Variants in IBTK observed in about 807,000 individuals in gnomAD.
IBTK encodes the protein inhibitor of Bruton tyrosine kinase.
Under a neutral mutation model 154.9 loss-of-function variants are expected in IBTK, and 83 were observed. The ratio of observed to expected loss-of-function variants is 0.54; its 90% CI spans 0.45 to 0.64. The LOEUF (loss-of-function observed/expected upper bound fraction) is 0.64. Ranked by LOEUF, IBTK falls within the 30% of genes least tolerant of loss-of-function variation. The probability of loss-of-function intolerance (pLI) is 0.00; values close to 1 mark genes in which losing one functional copy is unlikely to be tolerated. For missense variants in IBTK, 1,332 were observed against 1,584.6 expected (o/e 0.84, Z 2.71); for synonymous variants, 515 against 536.1 (o/e 0.96, Z 0.54).
chr6:82,198,852 G>A (rs1004272855), intron 21 of IBTK, among the ~76,000 whole-genome samples: 1 of 151,930 alleles, frequency 6.6e-6, no homozygotes, highest in African/African-American at 2.4e-5. Flanking sequence ...TAGAATGTGA[G>A]ACAGTCTATA....
chr6:82,229,821 A>G (rs1582247500), intron 4 of IBTK, among the ~76,000 whole-genome samples: 1 of 151,750 alleles, frequency 6.6e-6, no homozygotes, highest in Non-Finnish European at 1.5e-5. Context: ...ACACCATTCT[A>G]CTCCCTACTT....
At position 82,183,760 on chromosome 6, in the gene IBTK, A is replaced by C. The variant is rs116358180; in HGVS notation, c.3576-1732T>G. Among the ~76,000 whole-genome samples, 771 of 152,304 alleles carry C rather than the reference A, an allele frequency of 5.1e-3. 11 individuals are homozygous for C. The highest frequency in any genetic ancestry group is 0.018 in the African/African-American group (728 of 41,560). ...TAGGTCTGAATGTATTTCCTCCAAA[A>C]CTCATGTTGAAATGTAAATGTCACT... is the stretch of plus-strand genomic sequence containing the variant. On this transcript the variant is annotated intron_variant, in intron 25 of 28. Transcript: ENST00000306270.
At chr6:82,242,045 T>C (rs891864317) in intron 1 of IBTK, among the ~76,000 whole-genome samples, 4 of 152,230 alleles carry the variant, frequency 2.6e-5, no homozygotes, top group African/African-American at 9.6e-5. Flanking sequence ...ATTAGGTTGG[T>C]ACAAAAGTAG....
intron 3 of IBTK, among the ~76,000 whole-genome samples, chr6:82,233,603 C>A (rs1426077611): frequency 6.6e-6 from 1 of 151,548 alleles, no homozygotes; most frequent in African/African-American, 2.4e-5. Context: ...AGTAAAATTT[C>A]TTTGCAGATA....
intron 2 of IBTK, 39 bp downstream of exon 2, chr6:82,240,127 C>T (rs1770884175): frequency 2.0e-6 from 3 of 1,513,706 alleles, no homozygotes; most frequent in African/African-American, 1.4e-5. Flanking sequence ...AAAACATATT[C>T]CAGACTAAAT....
At chr6:82,203,857 T>C (rs1321283757) in intron 17 of IBTK, among the ~76,000 whole-genome samples, 1 of 152,094 alleles carries the variant, frequency 6.6e-6, no homozygotes, top group Non-Finnish European at 1.5e-5. Flanking sequence ...GGGCTGTTGT[T>C]CTCTATTTAA....
At chr6:82,212,916 A>G in intron 12 of IBTK, 123 bp from the exon 13 acceptor site, 2 of 615,562 alleles carry the variant, frequency 3.2e-6, no homozygotes, top group Non-Finnish European at 5.7e-6. Context: ...GTATCTCAAC[A>G]AACTCCTACT....
intron 6 of IBTK, 105 bp from the exon 7 acceptor site, chr6:82,224,290 T>C (rs1352052705): frequency 1.6e-5 from 13 of 794,520 alleles, no homozygotes; most frequent in Non-Finnish European, 2.6e-5. Context: ...TTGCTGTTAG[T>C]GGTCCACTCA....
intron 25 of IBTK, among the ~76,000 whole-genome samples, chr6:82,188,196 G>C (rs1027950836): frequency 3.9e-5 from 6 of 152,084 alleles, no homozygotes; most frequent in African/African-American, 1.2e-4. Context: ...CTTCCAGTCA[G>C]AACTTAAGAG....
At chr6:82,174,262 T>C (rs1457463667) in intron 26 of IBTK, among the ~76,000 whole-genome samples, 1 of 152,158 alleles carries the variant, frequency 6.6e-6, no homozygotes, top group Non-Finnish European at 1.5e-5. Context: ...AGGATTACTG[T>C]AGGTGCTAAA....
chr6:82,215,089 G>A (rs1248817114), intron 11 of IBTK, among the ~76,000 whole-genome samples: 1 of 151,878 alleles, frequency 6.6e-6, no homozygotes, highest in Non-Finnish European at 1.5e-5. Flanking sequence ...CCGTATCCCT[G>A]GTTCTTACAG....
chr6:82,246,391 T>C (rs1230508933), intron 1 of IBTK, among the ~76,000 whole-genome samples: 1 of 148,996 alleles, frequency 6.7e-6, no homozygotes, highest in Non-Finnish European at 1.5e-5. Flanking sequence ...ACTCCTGACC[T>C]CAAGTGATCC....
intron 15 of IBTK, 35 bp downstream of exon 15, chr6:82,211,332 G>C (rs746198307): frequency 3.9e-6 from 6 of 1,539,648 alleles, no homozygotes; most frequent in East Asian, 2.3e-5. Flanking sequence ...AAGAAACATA[G>C]TTACCAACCT....
chr6:82,200,561 G>GA (rs529764674), intron 20 of IBTK, 26 bp downstream of exon 20: 97,131 of 892,704 alleles, frequency 0.11, 2 homozygotes, highest in South Asian at 0.13. Context: ...AGGAGGAAAA[G>GA]AAAAAAAAAA....
In IBTK at chr6:82,227,223, C is replaced by T. The variant is rs779039768; in HGVS notation, c.623G>A (p.Arg208Gln). Residue 208 changes from arginine to glutamine, a missense_variant, in exon 5 of 29, where the codon CGA (arginine) becomes CAA (glutamine). By Grantham distance (43) the Arg-to-Gln change is conservative. Coordinates refer to ENST00000306270, the MANE Select transcript of IBTK (RefSeq NM_015525.4). ...VYTCGHGPGGRLGHGDEQTCL... is the reference protein window; with the variant it reads ...VYTCGHGPGGQLGHGDEQTCL... ...TGTCTGTTCATCTCCATGTCCTAAT[C>T]GCCCTCCAGGACCATGACCACAGGT... 2 of 1,612,034 alleles carry T rather than the reference C, an allele frequency of 1.2e-6. No individual in the cohort carries two copies. The highest frequency in any genetic ancestry group is 1.7e-6 in the Non-Finnish European group (2 of 1,178,646).
intron 8 of IBTK, among the ~76,000 whole-genome samples, chr6:82,222,913 A>C (rs988081492): frequency 6.6e-6 from 1 of 151,192 alleles, no homozygotes; most frequent in Non-Finnish European, 1.5e-5. Flanking sequence ...AAAAAAAAAA[A>C]ACAAAAACTT....
In IBTK at chr6:82,216,175, A is replaced by C; in HGVS notation, c.1502T>G (p.Ile501Ser). 1 of 1,612,778 alleles carries C rather than the reference A, an allele frequency of 6.2e-7. No individual in the cohort carries two copies. The highest frequency in any genetic ancestry group is 8.5e-7 in the Non-Finnish European group (1 of 1,178,950). The change falls in exon 11 of 29, where the codon ATT becomes AGT. Residue 501 changes from isoleucine to serine, a missense_variant. By Grantham distance (142) the Ile-to-Ser change is moderately radical. Around this residue, in one of 3 missense-constraint regions of IBTK, gnomAD observed 1,134 missense variants for 1,274.7 expected, o/e 0.89. Coordinates refer to ENST00000306270, the MANE Select transcript of IBTK (RefSeq NM_015525.4). ...VSDINSVYERIRLEKLTFAHR... is the reference protein window; with the variant it reads ...VSDINSVYERSRLEKLTFAHR... ...TGCAAAGGTAAGTTTCTCAAGTCGAATTCTTTCATACACACTATTTATATC... is the reference window on the plus strand; with the variant it reads ...TGCAAAGGTAAGTTTCTCAAGTCGACTTCTTTCATACACACTATTTATATC...
intron 16 of IBTK, chr6:82,205,308 T>C: frequency 6.2e-6 from 1 of 161,962 alleles, no homozygotes; most frequent in Non-Finnish European, 1.3e-5. Flanking sequence ...TCCCATGTTG[T>C]TAGAAAAACA....
intron 9 of IBTK, among the ~76,000 whole-genome samples, chr6:82,220,362 C>A (rs1421378128): frequency 6.6e-6 from 1 of 152,140 alleles, no homozygotes; most frequent in Non-Finnish European, 1.5e-5. Context: ...TTTAACAAAT[C>A]AGTATTGTGC....
Sources: gnomAD v4.1 joint callset for allele counts (sites outside exome capture counted in the v4.1 genomes callset) on GRCh38, gnomAD v4.1.1 for gene constraint, gnomAD v4.1.1 regional missense constraint, MANE v1.5 for transcripts, NCBI Gene and HGNC (gene_info 2026-07-23, HGNC 2026-07-21) for gene names.